SLC4A10: variants seen among roughly 807,000 people sequenced by gnomAD.
The protein encoded by SLC4A10 is sodium-driven chloride bicarbonate exchanger.
In SLC4A10, 42 loss-of-function variants were observed where a neutral mutation model predicts 137.7. The ratio of observed to expected loss-of-function variants is 0.30; its 90% confidence interval spans 0.24 to 0.39. The LOEUF is 0.39. Among genes scored for constraint, SLC4A10 ranks in the 10% least tolerant of loss-of-function variants. The pLI, the probability that SLC4A10 is intolerant of heterozygous loss-of-function variation, is 1.00. For missense variants in SLC4A10, 925 were observed against 1,355.0 expected (o/e 0.68, Z 4.98); for synonymous variants, 474 against 464.1 (o/e 1.02, Z -0.27).
chr2:161,726,769 T>A (rs2046270956), intron 1 of SLC4A10, among the ~76,000 whole-genome samples: 1 of 152,048 alleles, frequency 6.6e-6, no homozygotes, highest in Non-Finnish European at 1.5e-5. Flanking sequence ...TTTAACTAGG[T>A]GTGGTGGCAC....
rs1461540257 is a variant in SLC4A10, at chr2:161,983,473, G to A, written c.*321G>A. 5 of 459,074 alleles carry A rather than the reference G, an allele frequency of 1.1e-5. No homozygotes were observed. Among genetic ancestry groups the A allele is most frequent in the East Asian group, 3.7e-5 (1 of 27,374 alleles). The allele number at this position is 459,074 out of a possible 1,614,324, so 28.4% of individuals were successfully genotyped here. On this transcript the variant is annotated 3_prime_UTR_variant, in exon 27 of 27. Coordinates refer to ENST00000446997, the MANE Select transcript of SLC4A10 (RefSeq NM_001178015.2). ...AGAATCTGTGTGTTCCTTGCTGTAC[G>A]TTAGACATTTGTAAACTGGATTCTG...
At chr2:161,796,937 C>T (rs1462209959) in intron 2 of SLC4A10, among the ~76,000 whole-genome samples, 1 of 151,946 alleles carries the variant, frequency 6.6e-6, no homozygotes. Flanking sequence ...TTTTGTTCAT[C>T]TCCTAACCTA....
intron 1 of SLC4A10, among the ~76,000 whole-genome samples, chr2:161,696,538 G>A (rs2042532064): frequency 7.2e-6 from 1 of 138,068 alleles, no homozygotes. Context: ...TCCCACCTAT[G>A]AGTGAGAACA....
intron 3 of SLC4A10, among the ~76,000 whole-genome samples, chr2:161,834,699 A>T (rs1481570088): frequency 1.3e-5 from 2 of 151,194 alleles, no homozygotes; most frequent in Admixed American, 6.6e-5. Context: ...ACACACACAC[A>T]CAAAACCTAT....
At position 161,965,145 on chromosome 2, in the gene SLC4A10, A is replaced by T. The variant is rs1373530788; in HGVS notation, c.3131A>T (p.Lys1044Ile). 6.2e-7 allele frequency: 1 copy of T among 1,611,674 alleles called. No homozygotes were observed. The highest frequency in any genetic ancestry group is 2.2e-5 in the East Asian group (1 of 44,772). The change falls in exon 23 of 27, where the codon AAA becomes ATA. Residue 1044 changes from lysine to isoleucine, a missense_variant. Transcript: ENST00000446997. ...GATGATTTGATGCCCGAGAGTAAGA[A>T]AAAGAAACTGGAAGATGCTGAAAAA... ...WLDDLMPESK[K>I]KKLEDAEKEE...
At chr2:161,861,507 G>A (rs962318560) in intron 5 of SLC4A10, among the ~76,000 whole-genome samples, 2 of 151,972 alleles carry the variant, frequency 1.3e-5, no homozygotes, top group African/African-American at 4.8e-5. Flanking sequence ...TATTATGTGA[G>A]CCAATAAAAT....
intron 15 of SLC4A10, among the ~76,000 whole-genome samples, chr2:161,930,700 T>G (rs2105621065): frequency 6.6e-6 from 1 of 152,218 alleles, no homozygotes; most frequent in East Asian, 1.9e-4. Flanking sequence ...TGAGTATTAC[T>G]AATTATAGAA....
At chr2:161,889,136 A>G (rs566560027) in intron 10 of SLC4A10, among the ~76,000 whole-genome samples, 1 of 152,246 alleles carries the variant, frequency 6.6e-6, no homozygotes, top group Admixed American at 6.5e-5. Flanking sequence ...GATGAACGAG[A>G]CTTGATGGTG....
chr2:161,850,876 C>T (rs1190760457), intron 4 of SLC4A10, among the ~76,000 whole-genome samples: 1 of 152,086 alleles, frequency 6.6e-6, no homozygotes, highest in African/African-American at 2.4e-5. Flanking sequence ...CTCAACACTG[C>T]TTTTGCCCTG....
chr2:161,881,068 ATTTAG>A (rs992625623), intron 9 of SLC4A10, among the ~76,000 whole-genome samples: 4 of 152,046 alleles, frequency 2.6e-5, no homozygotes, highest in African/African-American at 9.7e-5. Flanking sequence ...AGACAAGACT[ATTTAG>A]TTAGGAAAGG....
At chr2:161,913,942 C>T in intron 15 of SLC4A10, among the ~76,000 whole-genome samples, 1 of 152,174 alleles carries the variant, frequency 6.6e-6, no homozygotes, top group East Asian at 1.9e-4. Flanking sequence ...ATACATTAGT[C>T]ATTCATTCAT....
At chr2:161,961,439 T>G (rs1696695901) in intron 21 of SLC4A10, among the ~76,000 whole-genome samples, 1 of 152,344 alleles carries the variant, frequency 6.6e-6, no homozygotes, top group East Asian at 1.9e-4. Flanking sequence ...AGATTTAATT[T>G]GCTCATTTAA....
chr2:161,973,104 G>A (rs1698832560), intron 23 of SLC4A10, among the ~76,000 whole-genome samples: 1 of 152,138 alleles, frequency 6.6e-6, no homozygotes. Flanking sequence ...GCCCTGCTAA[G>A]CTACTGAAAG....
In SLC4A10 at chr2:161,945,182, GTATATATATATATATATATATATATATA is replaced by G. The variant is rs56159201; in HGVS notation, c.2103+2311_2104-2331del. On this transcript the variant is annotated intron_variant, in intron 16 of 26. Coordinates refer to ENST00000446997, the MANE Select transcript of SLC4A10 (RefSeq NM_001178015.2). Reference sequence around the variant, plus strand: ...CAAACTGGAGTACTTAAGTTTGTGTGTATATATATATATATATATATATATATATATATATATATATATATATATATAT... The same window carrying G: ...CAAACTGGAGTACTTAAGTTTGTGTGTATATATATATATATATATATATAT... Among the ~76,000 whole-genome samples the G allele has an allele frequency of 2.1e-3, 184 of 88,858 alleles. 3 individuals carry two copies. Among genetic ancestry groups the G allele is most frequent in the East Asian group, 0.017 (32 of 1,872 alleles). 58.3% of individuals were successfully genotyped at this position (88,858 alleles called of 152,430 possible). A position where few individuals can be genotyped will look rare whatever the true frequency, so the allele number is the denominator to read the frequency against.
At chr2:161,741,707 A>G (rs1277679662) in intron 1 of SLC4A10, among the ~76,000 whole-genome samples, 1 of 152,128 alleles carries the variant, frequency 6.6e-6, no homozygotes, top group East Asian at 1.9e-4. Flanking sequence ...TAATAGGTGT[A>G]TATATTTATG....
At chr2:161,720,814 A>T (rs1489239811) in intron 1 of SLC4A10, among the ~76,000 whole-genome samples, 1 of 149,138 alleles carries the variant, frequency 6.7e-6, no homozygotes, top group African/African-American at 2.5e-5. Flanking sequence ...CACGCCAATG[A>T]GTCTTGACTC....
chr2:161,897,559 A>G (rs1056346137), intron 11 of SLC4A10, among the ~76,000 whole-genome samples: 8 of 152,260 alleles, frequency 5.3e-5, no homozygotes, highest in Non-Finnish European at 1.0e-4. Flanking sequence ...AAGAAACTAT[A>G]TGGATACCTC....
chr2:161,679,416 A>T (rs1023388616), intron 1 of SLC4A10, among the ~76,000 whole-genome samples: 1 of 152,170 alleles, frequency 6.6e-6, no homozygotes, highest in African/African-American at 2.4e-5. Flanking sequence ...GTAAAGTGAA[A>T]GACTAGTCCT....
At chr2:161,974,456 A>G in intron 24 of SLC4A10, 140 bp downstream of exon 24, 2 of 610,126 alleles carry the variant, frequency 3.3e-6, no homozygotes, top group Non-Finnish European at 5.2e-6. Flanking sequence ...GTTAGATAAC[A>G]TGGGTCCTAC....
Sources: gnomAD v4.1 joint callset for allele counts (sites outside exome capture counted in the v4.1 genomes callset) on GRCh38, gnomAD v4.1.1 for gene constraint, MANE v1.5 for transcripts, NCBI Gene and HGNC (gene_info 2026-07-23, HGNC 2026-07-21) for gene names.